The following SRRM4 variants were observed in gnomAD, a reference collection of about 807,000 sequenced individuals.
SRRM4 encodes the protein serine/arginine repetitive matrix protein 4.
A neutral mutation model predicts 68.9 loss-of-function variants in SRRM4; 33 were observed. That is an observed-to-expected ratio of 0.48 (90% CI 0.36 to 0.64). The LOEUF (loss-of-function observed/expected upper bound fraction) is 0.64. Among genes scored for constraint, SRRM4 ranks in the 30% least tolerant of loss-of-function variants. The probability of loss-of-function intolerance (pLI) is 0.00; values close to 1 mark genes in which losing one functional copy is unlikely to be tolerated. For missense variants in SRRM4, 817 were observed against 827.1 expected, an observed-to-expected ratio of 0.99 and a Z score of 0.15; for synonymous variants, 318 against 318.8, an observed-to-expected ratio of 1.00 and a Z score of 0.03.
intron 1 of SRRM4, among the ~76,000 whole-genome samples, chr12:118,999,271 C>T (rs1218686489): frequency 6.6e-6 from 1 of 152,148 alleles, no homozygotes; most frequent in Non-Finnish European, 1.5e-5. Flanking sequence ...GTTCTGCCAG[C>T]AGTGTGCTGG....
chr12:119,003,376 T>G (rs753029921), intron 1 of SRRM4, among the ~76,000 whole-genome samples: 14 of 151,722 alleles, frequency 9.2e-5, no homozygotes, highest in Non-Finnish European at 1.8e-4. Flanking sequence ...CTCTGTAGCA[T>G]CCTTGATTTT....
chr12:119,049,213 C>G (rs1474890574), intron 1 of SRRM4, among the ~76,000 whole-genome samples: 3 of 152,092 alleles, frequency 2.0e-5, no homozygotes, highest in Non-Finnish European at 2.9e-5. Context: ...TTTTTTACAT[C>G]TGGTGTTTAA....
intron 1 of SRRM4, among the ~76,000 whole-genome samples, chr12:119,071,958 G>C (rs1198021253): frequency 1.3e-5 from 2 of 152,192 alleles, no homozygotes; most frequent in South Asian, 4.1e-4. Context: ...CTGAGTCTTA[G>C]GTGAGAAATA....
intron 1 of SRRM4, among the ~76,000 whole-genome samples, chr12:119,049,418 A>G (rs1953727373): frequency 6.6e-6 from 1 of 152,244 alleles, no homozygotes; most frequent in East Asian, 1.9e-4. Context: ...CAGGGAGCCA[A>G]TTTGTATGGC....
chr12:119,022,920 G>A (rs1429095101), intron 1 of SRRM4, among the ~76,000 whole-genome samples: 1 of 152,176 alleles, frequency 6.6e-6, no homozygotes, highest in African/African-American at 2.4e-5. Flanking sequence ...CACTGCAAGA[G>A]GGCTGCAGTG....
At position 119,027,834 on chromosome 12, in the gene SRRM4, T is replaced by A. The variant is rs1953558963; in HGVS notation, c.131+45821T>A. Among the ~76,000 whole-genome samples the A allele has an allele frequency of 5.3e-5, 8 of 152,298 alleles. No individual in the cohort carries two copies. In the South Asian group the frequency reaches 1.7e-3, roughly 32 times the overall value. ...GACCACAAAGCTGGTATAAATGGAA[T>A]TTAGAGCAGTCTGAGTCTGACTTCG... On this transcript the variant is annotated intron_variant, in intron 1 of 12. Coordinates refer to ENST00000267260, the MANE Select transcript of SRRM4 (RefSeq NM_194286.4).
intron 3 of SRRM4, 164 bp from the exon 4 acceptor site, chr12:119,116,773 A>G: frequency 1.8e-6 from 1 of 559,002 alleles, no homozygotes; most frequent in East Asian, 2.9e-5. Flanking sequence ...GTGAGCAATT[A>G]AAAATTGCTT....
intron 1 of SRRM4, among the ~76,000 whole-genome samples, chr12:119,077,696 G>C (rs778256712): frequency 6.6e-6 from 1 of 152,090 alleles, no homozygotes; most frequent in Non-Finnish European, 1.5e-5. Context: ...TTTAATTCAA[G>C]GGTTATGTAT....
At chr12:119,045,157 A>G (rs1953697551) in intron 1 of SRRM4, among the ~76,000 whole-genome samples, 2 of 152,136 alleles carry the variant, frequency 1.3e-5, no homozygotes, top group Non-Finnish European at 2.9e-5. Context: ...AGGTGGACAC[A>G]CCCACAGTCA....
intron 1 of SRRM4, among the ~76,000 whole-genome samples, chr12:119,027,356 T>C (rs916972198): frequency 5.9e-5 from 9 of 152,210 alleles, no homozygotes; most frequent in Non-Finnish European, 1.3e-4. Context: ...AGTCACAGAA[T>C]GGGTAGGTGG....
At chr12:119,153,508 G>A in intron 10 of SRRM4, 31 bp from the exon 11 acceptor site, 1 of 1,449,594 alleles carries the variant, frequency 6.9e-7, no homozygotes, top group Non-Finnish European at 9.5e-7. Context: ...ACACTCAGCA[G>A]GCTCCTCAGA....
chr12:119,154,583 CA>C lies in SRRM4; in HGVS notation c.1532+201del, dbSNP rs1346476816. 6.6e-6 allele frequency among the ~76,000 whole-genome samples: 1 copy of C among 152,184 alleles called. No homozygotes were observed. Among genetic ancestry groups the C allele is most frequent in the Non-Finnish European group, 1.5e-5 (1 of 68,032 alleles). Reference sequence around the variant, plus strand: ...GGACTGAGTCTCCCAGCTCAACCAGCAGGGCCTGCAAGAAGGGGGCGGGGCC... The same window carrying C: ...GGACTGAGTCTCCCAGCTCAACCAGCGGGCCTGCAAGAAGGGGGCGGGGCC... On this transcript the variant is annotated intron_variant, in intron 12 of 12. Coordinates refer to ENST00000267260, the MANE Select transcript of SRRM4 (RefSeq NM_194286.4). This position sits in a 1 kb window ranked among gnomAD's most constrained non-coding sequence, Gnocchi z 4.7.
intron 9 of SRRM4, among the ~76,000 whole-genome samples, chr12:119,146,808 C>T (rs1029846557): frequency 2.7e-5 from 4 of 149,684 alleles, no homozygotes; most frequent in Admixed American, 6.6e-5. Flanking sequence ...TAGTGGCGGG[C>T]GCCTGTAGTC....
chr12:119,159,972 G>A lies in SRRM4; in HGVS notation c.*3174G>A, dbSNP rs1408072773. 4 of 151,886 alleles carry A rather than the reference G, an allele frequency of 2.6e-5. No homozygotes were observed. The highest frequency in any genetic ancestry group is 2.6e-4 in the Admixed American group (4 of 15,268). 9.4% of individuals were successfully genotyped at this position (151,886 alleles called of 1,614,324 possible). A position where few individuals can be genotyped will look rare whatever the true frequency, so the allele number is the denominator to read the frequency against. ...TCCAAACCCATCCTGGAAGGGCCCAGGATCCAAAGGTCATCAGTCCTGCTT... is the reference window on the plus strand; with the variant it reads ...TCCAAACCCATCCTGGAAGGGCCCAAGATCCAAAGGTCATCAGTCCTGCTT... On this transcript the variant is annotated 3_prime_UTR_variant, in exon 13 of 13. Coordinates refer to ENST00000267260, the MANE Select transcript of SRRM4 (RefSeq NM_194286.4).
In SRRM4 at chr12:119,160,277, GTCTCTCTCTCTGTCTCTCTCTCTCTC is replaced by G. The variant is rs1313783538; in HGVS notation, c.*3491_*3516del. 9 of 131,018 alleles carry G rather than the reference GTCTCTCTCTCTGTCTCTCTCTCTCTC, an allele frequency of 6.9e-5. No individual in the cohort carries two copies. The highest frequency in any genetic ancestry group is 2.6e-4 in the African/African-American group (9 of 34,334). 8.1% of individuals were successfully genotyped at this position (131,018 alleles called of 1,614,324 possible). ...TCTCTCTCTCTCTGTCTCTCTCTCTGTCTCTCTCTCTGTCTCTCTCTCTCTCTCTCTCTCTCTCTCTCTCTCAGTGT... is the reference window on the plus strand; with the variant it reads ...TCTCTCTCTCTCTGTCTCTCTCTCTGTCTCTCTCTCTCTCTCTCTCAGTGT... On this transcript the variant is annotated 3_prime_UTR_variant, in exon 13 of 13. Transcript: ENST00000267260.
Position 119,077,029 on chromosome 12 carries a change from A to T in SRRM4, c.132-25207A>T, listed in dbSNP as rs578250340. 2.3e-3 allele frequency among the ~76,000 whole-genome samples: 352 copies of T among 152,186 alleles called. 2 individuals are homozygous for T. The highest frequency in any genetic ancestry group is 8.1e-3 in the African/African-American group (336 of 41,510). On this transcript the variant is annotated intron_variant, in intron 1 of 12. Transcript: ENST00000267260. ...AGTACTGGCATCAAAATGCCTTTGG[A>T]GTCTTTGTTGTATATCTCTTGCAGT... is the stretch of plus-strand genomic sequence containing the variant.
At chr12:119,052,444 G>A (rs1953748854) in intron 1 of SRRM4, among the ~76,000 whole-genome samples, 1 of 152,132 alleles carries the variant, frequency 6.6e-6, no homozygotes, top group Admixed American at 6.5e-5. Context: ...TTATAGCTTA[G>A]TTTAATTCCA....
intron 1 of SRRM4, among the ~76,000 whole-genome samples, chr12:119,028,220 A>C (rs773218620): frequency 1.3e-5 from 2 of 152,182 alleles, no homozygotes; most frequent in Non-Finnish European, 2.9e-5. Flanking sequence ...TCTGTGAAGG[A>C]AGGGTGACTA....
chr12:119,079,590 A>G (rs1953935898), intron 1 of SRRM4, among the ~76,000 whole-genome samples: 1 of 152,174 alleles, frequency 6.6e-6, no homozygotes, highest in African/African-American at 2.4e-5. Flanking sequence ...CCATTTACTC[A>G]TGTTCACCTG....
Sources: gnomAD v4.1 joint callset for allele counts (sites outside exome capture counted in the v4.1 genomes callset) on GRCh38, gnomAD v4.1.1 for gene constraint, Gnocchi (gnomAD v3.1) non-coding constraint, MANE v1.5 for transcripts, NCBI Gene and HGNC (gene_info 2026-07-23, HGNC 2026-07-21) for gene names.